Variants in KLRG2 observed in about 807,000 individuals in gnomAD.
KLRG2 encodes killer cell lectin-like receptor subfamily G member 2.
Under a neutral mutation model 35.4 loss-of-function variants are expected in KLRG2, and 39 were observed. The ratio of observed to expected loss-of-function variants is 1.10; its 90% confidence interval spans 0.85 to 1.44. The LOEUF (loss-of-function observed/expected upper bound fraction) is 1.44, where lower values mean the gene tolerates loss of function less well. KLRG2 is among the 40% of genes most tolerant of loss of function. The pLI, the probability that KLRG2 is intolerant of heterozygous loss-of-function variation, is 0.00. For synonymous variants in KLRG2, 283 were observed against 265.8 expected (o/e 1.06, Z -0.63); for missense variants, 632 against 570.9 (o/e 1.11, Z -1.09).
Position 139,453,536 on chromosome 7 carries a change from G to A in KLRG2, c.*51C>T, listed in dbSNP as rs1353130638. The A allele has an allele frequency of 1.3e-6, 2 of 1,553,086 alleles. No individual in the cohort carries two copies. Among genetic ancestry groups the A allele is most frequent in the South Asian group, 2.4e-5 (2 of 84,600 alleles). Reference sequence around the variant, plus strand: ...CCCAAGCTCTCAACTGGCCTCCCCTGTAGGGGGTGCTGCATCTGCCTGGCA... The same window carrying A: ...CCCAAGCTCTCAACTGGCCTCCCCTATAGGGGGTGCTGCATCTGCCTGGCA... On this transcript the variant is annotated 3_prime_UTR_variant, in exon 5 of 5. Coordinates refer to ENST00000340940, the MANE Select transcript of KLRG2 (RefSeq NM_198508.4).
chr7:139,443,929 C>T, the KLRG2 span, among the ~76,000 whole-genome samples: 3 of 152,142 alleles, frequency 2.0e-5, no homozygotes, highest in African/African-American at 4.8e-5. Context: ...GTCCCAAAAC[C>T]TCAAAAATAG....
chr7:139,483,071 G>C lies in KLRG2; in HGVS notation c.572C>G (p.Ala191Gly), dbSNP rs567665644. ...TGCGTCGCAGCCGCTCTCCGTCCGG[G>C]CTGCAGCCAGCGGCGAGCGGCGGCC... is the stretch of plus-strand genomic sequence containing the variant. ...TWGRRSPLAA[A>G]RTESGCDAEG... is the part of the protein sequence containing the mutation. Residue 191 changes from alanine to glycine, a missense_variant, in exon 1 of 5, where the codon GCC becomes GGC. Physicochemically the swap from Ala to Gly is moderately conservative, Grantham distance 60. Transcript: ENST00000340940. 2.1e-6 allele frequency: 3 copies of C among 1,409,550 alleles called. No individual in the cohort carries two copies. The East Asian group carries it at 9.1e-5, about 43-fold the overall frequency. The allele number at this position is 1,409,550 out of a possible 1,614,324, so 87.3% of individuals were successfully genotyped here.
At chr7:139,468,647 T>C (rs987697625) in intron 3 of KLRG2, among the ~76,000 whole-genome samples, 9 of 152,176 alleles carry the variant, frequency 5.9e-5, no homozygotes, top group Non-Finnish European at 1.0e-4. Context: ...CACACGGACG[T>C]GAGTGAAAAG....
intron 3 of KLRG2, among the ~76,000 whole-genome samples, chr7:139,475,673 T>G (rs1282226601): frequency 2.0e-5 from 3 of 152,162 alleles, no homozygotes; most frequent in Admixed American, 6.6e-5. Context: ...TTGTATCATT[T>G]AAAATACCCT....
the KLRG2 span, among the ~76,000 whole-genome samples, chr7:139,427,798 G>A: frequency 6.6e-6 from 1 of 152,158 alleles, no homozygotes; most frequent in African/African-American, 2.4e-5. Context: ...GACGATGCCC[G>A]ATGAATGTGG....
chr7:139,477,482 A>G (rs767437929), intron 3 of KLRG2, among the ~76,000 whole-genome samples: 7 of 152,218 alleles, frequency 4.6e-5, no homozygotes, highest in Non-Finnish European at 1.0e-4. Context: ...AGTCACAACA[A>G]GACAAATACT....
rs569524931 is a variant in KLRG2 at position 139,470,419 on chromosome 7, C to T, written c.1005+9208G>A. ...AAACCAGTATGAGCCATGGTCTGGC[C>T]TTATGTGGAAATACAACAAATGCAA... On this transcript the variant is annotated intron_variant, in intron 3 of 4. Transcript: ENST00000340940. Among the ~76,000 whole-genome samples the T allele has an allele frequency of 5.9e-5, 9 of 152,248 alleles. No homozygotes were observed. In the East Asian group the frequency reaches 1.5e-3, roughly 26 times the overall value.
At chr7:139,454,835 AATAAT>A (rs752413906) in intron 3 of KLRG2, among the ~76,000 whole-genome samples, 1 of 75,846 alleles carries the variant, frequency 1.3e-5, no homozygotes, top group Non-Finnish European at 2.2e-5. Context: ...TAATAATAAT[AATAAT>A]AATAATAATA....
At chr7:139,472,687 T>C (rs1182186483) in intron 3 of KLRG2, among the ~76,000 whole-genome samples, 1 of 151,056 alleles carries the variant, frequency 6.6e-6, no homozygotes, top group East Asian at 1.9e-4. Context: ...AGCTCAGTGG[T>C]TTTCAAGGAA....
the KLRG2 span, among the ~76,000 whole-genome samples, chr7:139,443,762 A>G: frequency 6.6e-6 from 1 of 152,080 alleles, no homozygotes; most frequent in Non-Finnish European, 1.5e-5. Flanking sequence ...GGGTTTCACC[A>G]TGTTGGCCAG....
chr7:139,436,338 A>ACC, the KLRG2 span, among the ~76,000 whole-genome samples: 3 of 148,318 alleles, frequency 2.0e-5, no homozygotes, highest in African/African-American at 7.5e-5. Flanking sequence ...TGTCTAGGGA[A>ACC]CCCCCCCCTT....
At chr7:139,432,553 C>G in the KLRG2 span, among the ~76,000 whole-genome samples, 6 of 150,150 alleles carry the variant, frequency 4.0e-5, no homozygotes, top group Admixed American at 3.3e-4. Flanking sequence ...GACCCCCCCC[C>G]CCCAATATTT....
the KLRG2 span, among the ~76,000 whole-genome samples, chr7:139,445,472 G>T: frequency 6.6e-6 from 1 of 152,070 alleles, no homozygotes; most frequent in Non-Finnish European, 1.5e-5. Flanking sequence ...TTCAAAGCAG[G>T]TGATTTCAGC....
At chr7:139,471,865 G>T (rs1347258748) in intron 3 of KLRG2, among the ~76,000 whole-genome samples, 1 of 152,202 alleles carries the variant, frequency 6.6e-6, no homozygotes, top group Non-Finnish European at 1.5e-5. Flanking sequence ...ACGAACAGAG[G>T]TGAGTCTCAG....
chr7:139,478,186 T>C (rs532436897), intron 3 of KLRG2, among the ~76,000 whole-genome samples: 9 of 150,400 alleles, frequency 6.0e-5, no homozygotes, highest in African/African-American at 1.2e-4. Flanking sequence ...CTGGGCAACA[T>C]AGCAAGACTT....
chr7:139,483,102 T>C lies in KLRG2; in HGVS notation c.541A>G (p.Thr181Ala). 2 of 1,441,244 alleles carry C rather than the reference T, an allele frequency of 1.4e-6. No homozygotes were observed. The highest frequency in any genetic ancestry group is 1.8e-6 in the Non-Finnish European group (2 of 1,106,450). 89.3% of individuals were successfully genotyped at this position (1,441,244 alleles called of 1,614,324 possible). A position where few individuals can be genotyped will look rare whatever the true frequency, so the allele number is the denominator to read the frequency against. Residue 181 changes from threonine (T) to alanine (A), a missense_variant, in exon 1 of 5, where the codon ACG (threonine) becomes GCG (alanine). By Grantham distance (58) the Thr-to-Ala change is moderately conservative. Coordinates refer to ENST00000340940, the MANE Select transcript of KLRG2 (RefSeq NM_198508.4). ...LLLRAPSQGG[T>A]WGRRSPLAAA... ...GCCAGCGGCGAGCGGCGGCCCCACG[T>C]GCCGCCCTGGGATGGTGCGCGCAGC...
intron 3 of KLRG2, among the ~76,000 whole-genome samples, chr7:139,469,432 T>C (rs1293514603): frequency 6.6e-6 from 1 of 152,026 alleles, no homozygotes; most frequent in East Asian, 1.9e-4. Context: ...AGTGCTGTGA[T>C]TATAGGTGTG....
intron 3 of KLRG2, among the ~76,000 whole-genome samples, chr7:139,456,999 C>A (rs143518301): frequency 1.3e-5 from 2 of 152,176 alleles, no homozygotes; most frequent in African/African-American, 2.4e-5. Flanking sequence ...AGAAGTGTCA[C>A]GGAAAACCCA....
chr7:139,449,099 C>G (rs1025991249), downstream of KLRG2, among the ~76,000 whole-genome samples: 3 of 145,612 alleles, frequency 2.1e-5, no homozygotes, highest in African/African-American at 8.0e-5. Context: ...GAGGGACACT[C>G]CGTCTCAAAA....
Sources: allele counts gnomAD v4.1 joint callset (sites outside exome capture counted in the v4.1 genomes callset), GRCh38; gene constraint gnomAD v4.1.1; transcripts MANE v1.5; gene names NCBI Gene and HGNC (gene_info 2026-07-23, HGNC 2026-07-21).